Variants in RASA3 observed in about 807,000 individuals in gnomAD.
RASA3 encodes ras GTPase-activating protein 3.
Under a neutral mutation model 110.0 loss-of-function variants are expected in RASA3, and 73 were observed. That is an observed-to-expected ratio of 0.66 (90% CI 0.55 to 0.81). The LOEUF is 0.81. Ranked by LOEUF, RASA3 falls within the 30% of genes least tolerant of loss-of-function variation. The pLI is 0.00. For synonymous variants in RASA3, 500 were observed against 451.4 expected (o/e 1.11, Z -1.37); for missense variants, 976 against 1,113.2 (o/e 0.88, Z 1.75).
At chr13:114,013,383 C>CTCTCTCCCTCTCTG in intron 14 of RASA3, 135 bp from the exon 15 acceptor site, 1 of 554,092 alleles carries the variant, frequency 1.8e-6, no homozygotes, top group South Asian at 2.2e-5. Context: ...GTGTCTGTCT[C>CTCTCTCCCTCTCTG]TCTCCCTCTC....
At chr13:114,049,387 A>G (rs1329616237) in intron 3 of RASA3, among the ~76,000 whole-genome samples, 1 of 152,218 alleles carries the variant, frequency 6.6e-6, no homozygotes, top group South Asian at 2.1e-4. Flanking sequence ...TCCAGTCACC[A>G]TAATCGTAAA....
At chr13:114,029,939 C>G in intron 4 of RASA3, 52 bp from the exon 5 acceptor site, 1 of 1,495,622 alleles carries the variant, frequency 6.7e-7, no homozygotes, top group Non-Finnish European at 9.0e-7. Flanking sequence ...CTCCCACAGG[C>G]CACTAGGGCC....
At chr13:114,110,113 AATT>A (rs1211168565) in intron 1 of RASA3, among the ~76,000 whole-genome samples, 1 of 152,220 alleles carries the variant, frequency 6.6e-6, no homozygotes, top group Non-Finnish European at 1.5e-5. Flanking sequence ...GTAAAAGAAA[AATT>A]ATTCCTTCTA....
intron 4 of RASA3, among the ~76,000 whole-genome samples, chr13:114,033,558 G>A (rs1343625482): frequency 1.8e-4 from 7 of 39,414 alleles, no homozygotes; most frequent in Admixed American, 1.1e-3. Flanking sequence ...CTGACACCAC[G>A]TTCCACGGCA....
In RASA3 at chr13:113,979,164, C is replaced by A. The variant is rs2052846386; in HGVS notation, c.*183G>T. On this transcript the variant is annotated 3_prime_UTR_variant, in exon 24 of 24. Transcript: ENST00000334062. ...TCCACAGGGCCAGGTGGGCTTTCTG[C>A]GGAGGGCGTGGCGGTGGTGGCAGCG... The A allele has an allele frequency of 1.6e-6, 1 of 606,712 alleles. No individual in the cohort carries two copies. The highest frequency in any genetic ancestry group is 2.8e-5 in the East Asian group (1 of 36,144). 37.6% of individuals were successfully genotyped at this position (606,712 alleles called of 1,614,324 possible).
chr13:114,102,391 CAG>C (rs144437282), intron 1 of RASA3, among the ~76,000 whole-genome samples: 4 of 152,010 alleles, frequency 2.6e-5, no homozygotes, highest in Non-Finnish European at 5.9e-5. Context: ...GAGACGGAGA[CAG>C]AGAGACGGTG....
At chr13:114,049,942 C>A (rs2079116079) in intron 3 of RASA3, among the ~76,000 whole-genome samples, 1 of 152,236 alleles carries the variant, frequency 6.6e-6, no homozygotes, top group Admixed American at 6.5e-5. Flanking sequence ...GGTCGGAGGC[C>A]ATCTCCTGCA....
Position 114,132,609 on chromosome 13 carries a change from G to T in RASA3, c.-120C>A. 1.2e-6 allele frequency: 1 copy of T among 800,464 alleles called. No individual in the cohort carries two copies. The highest frequency in any genetic ancestry group is 1.6e-6 in the Non-Finnish European group (1 of 613,390). The allele number at this position is 800,464 out of a possible 1,614,324, so 49.6% of individuals were successfully genotyped here. ...AGCGCGGCCGAGGGTCCGCCCGCCT[G>T]CAAGACCGCCAGTTGGCCGAGGGCG... On this transcript the variant is annotated 5_prime_UTR_variant, in exon 1 of 24. Transcript: ENST00000334062.
intron 21 of RASA3, among the ~76,000 whole-genome samples, chr13:113,994,887 T>A (rs1210579483): frequency 2.0e-5 from 3 of 152,160 alleles, no homozygotes; most frequent in African/African-American, 7.2e-5. Flanking sequence ...GGTGGGAGGA[T>A]GGCTTGAGCC....
intron 9 of RASA3, among the ~76,000 whole-genome samples, chr13:114,020,564 C>G (rs2053904771): frequency 6.6e-6 from 1 of 152,238 alleles, no homozygotes; most frequent in Non-Finnish European, 1.5e-5. Context: ...CCCCGGCACA[C>G]AGTCCACGCC....
chr13:114,042,703 T>C (rs553566939), intron 3 of RASA3, among the ~76,000 whole-genome samples: 46 of 152,322 alleles, frequency 3.0e-4, no homozygotes, highest in African/African-American at 9.9e-4. Context: ...TCCTTTTATA[T>C]TTCCGTGTCT....
chr13:114,101,121 G>A (rs116893032), intron 1 of RASA3, among the ~76,000 whole-genome samples: 4,114 of 152,236 alleles, frequency 0.027, 86 homozygotes, highest in Non-Finnish European at 0.04. Flanking sequence ...CCAGCAAGGC[G>A]GGTTCTGCAG....
chr13:113,996,158 G>A (rs1231685323), intron 21 of RASA3, among the ~76,000 whole-genome samples: 3 of 152,152 alleles, frequency 2.0e-5, no homozygotes, highest in African/African-American at 4.8e-5. Context: ...TGGAATCAAG[G>A]TGGGTGTCCT....
intron 15 of RASA3, among the ~76,000 whole-genome samples, chr13:114,012,457 AC>A (rs1400884805): frequency 2.8e-5 from 4 of 142,728 alleles, no homozygotes; most frequent in Non-Finnish European, 6.1e-5. Flanking sequence ...CTCCCCATGC[AC>A]CGTCCACACA....
intron 9 of RASA3, 83 bp downstream of exon 9, chr13:114,021,321 C>T (rs1467863888): frequency 2.4e-6 from 3 of 1,245,836 alleles, no homozygotes; most frequent in East Asian, 4.7e-5. Flanking sequence ...CACATGTGGC[C>T]TCTGTGCCTT....
chr13:113,993,482 C>A (rs1221077594), intron 21 of RASA3, among the ~76,000 whole-genome samples: 1 of 151,940 alleles, frequency 6.6e-6, no homozygotes, highest in East Asian at 1.9e-4. Context: ...GGCCTCATGT[C>A]TTTTTATAAA....
chr13:114,016,103 GGGGTCACGGGGT>G (rs2053784764), intron 13 of RASA3, 82 bp downstream of exon 13: 1 of 1,125,206 alleles, frequency 8.9e-7, no homozygotes, highest in Non-Finnish European at 1.3e-6. Flanking sequence ...CACCCCAACC[GGGGTCACGGGGT>G]GAGTCAGAGC....
intron 4 of RASA3, among the ~76,000 whole-genome samples, chr13:114,036,524 G>A (rs2054280884): frequency 1.3e-5 from 2 of 152,090 alleles, no homozygotes; most frequent in Admixed American, 1.3e-4. Context: ...TGGAGTTGTG[G>A]GGTTTTTTTT....
chr13:114,122,551 C>T (rs1361832752), intron 1 of RASA3, among the ~76,000 whole-genome samples: 2 of 152,242 alleles, frequency 1.3e-5, no homozygotes, highest in Non-Finnish European at 2.9e-5. Flanking sequence ...CTCCTTCCTG[C>T]CCCCGAGCCG....
Sources: gnomAD v4.1 joint callset for allele counts (sites outside exome capture counted in the v4.1 genomes callset) on GRCh38, gnomAD v4.1.1 for gene constraint, MANE v1.5 for transcripts, NCBI Gene and HGNC (gene_info 2026-07-23, HGNC 2026-07-21) for gene names.